The following DAB1 variants were observed in gnomAD, a reference collection of about 807,000 sequenced individuals.
DAB1 encodes DAB adaptor protein 1, also known as disabled homolog 1.
A neutral mutation model predicts 64.6 loss-of-function variants in DAB1; 15 were observed. That is an observed-to-expected ratio of 0.23 (90% confidence interval 0.16 to 0.36). The LOEUF (loss-of-function observed/expected upper bound fraction) is 0.36, where lower values mean the gene tolerates loss of function less well. Among genes scored for constraint, DAB1 ranks in the 10% least tolerant of loss-of-function variants. The probability of loss-of-function intolerance (pLI) is 1.00; values close to 1 mark genes in which losing one functional copy is unlikely to be tolerated. For synonymous variants in DAB1, 235 were observed against 251.9 expected, an observed-to-expected ratio of 0.93 and a Z score of 0.64; for missense variants, 596 against 706.7, an observed-to-expected ratio of 0.84 and a Z score of 1.78.
chr1:57,987,885 G>C (rs1455107371), intron 5 of DAB1, among the ~76,000 whole-genome samples: 1 of 151,900 alleles, frequency 6.6e-6, no homozygotes, highest in African/African-American at 2.4e-5. Flanking sequence ...GTTACTAATG[G>C]AGAAGAAGAA....
chr1:57,147,466 C>T (rs185736979), intron 2 of DAB1, among the ~76,000 whole-genome samples: 98 of 152,212 alleles, frequency 6.4e-4, no homozygotes, highest in African/African-American at 1.9e-3. Flanking sequence ...CCCCTGCTGA[C>T]TCCTCATATA....
At chr1:57,197,061 C>T (rs766976706) in intron 2 of DAB1, among the ~76,000 whole-genome samples, 17 of 152,286 alleles carry the variant, frequency 1.1e-4, no homozygotes, top group African/African-American at 2.6e-4. Flanking sequence ...CTTGGCCAGG[C>T]GCCGTGGCTA....
At chr1:58,284,887 G>T (rs889785111) in intron 4 of DAB1, among the ~76,000 whole-genome samples, 2 of 152,202 alleles carry the variant, frequency 1.3e-5, no homozygotes, top group Middle Eastern at 3.2e-3. Flanking sequence ...ACTGCTTGAG[G>T]TCTAGCCTAA....
At chr1:57,955,182 A>G (rs1453391330) in intron 5 of DAB1, among the ~76,000 whole-genome samples, 1 of 152,092 alleles carries the variant, frequency 6.6e-6, no homozygotes, top group African/African-American at 2.4e-5. Flanking sequence ...CTGGCACTCA[A>G]TGTTTTTGCT....
intron 1 of DAB1, among the ~76,000 whole-genome samples, chr1:57,329,873 G>A (rs1305811778): frequency 6.6e-6 from 1 of 152,192 alleles, no homozygotes; most frequent in African/African-American, 2.4e-5. Flanking sequence ...AATAATTGAT[G>A]ATGTTGTATT....
At chr1:58,219,074 T>G (rs1408998190) in intron 4 of DAB1, among the ~76,000 whole-genome samples, 1 of 151,180 alleles carries the variant, frequency 6.6e-6, no homozygotes, top group Non-Finnish European at 1.5e-5. Flanking sequence ...ACATTTTTTC[T>G]TAAAAGCATA....
chr1:58,080,757 A>T (rs1649947330), intron 5 of DAB1, among the ~76,000 whole-genome samples: 1 of 152,238 alleles, frequency 6.6e-6, no homozygotes, highest in Non-Finnish European at 1.5e-5. Flanking sequence ...TTATTGCATG[A>T]ATACAGGTAA....
At chr1:57,378,398 C>T (rs1185250118) in intron 1 of DAB1, among the ~76,000 whole-genome samples, 1 of 152,152 alleles carries the variant, frequency 6.6e-6, no homozygotes, top group African/African-American at 2.4e-5. Flanking sequence ...TTAGGGTTGA[C>T]GAGCTAGTTT....
chr1:58,364,440 G>T (rs1024357265), intron 3 of DAB1, among the ~76,000 whole-genome samples: 1 of 152,202 alleles, frequency 6.6e-6, no homozygotes. Context: ...ACAGAGAAAT[G>T]TGTTTTCATA....
intron 3 of DAB1, among the ~76,000 whole-genome samples, chr1:58,477,499 C>T (rs1307488209): frequency 6.6e-6 from 1 of 152,060 alleles, no homozygotes; most frequent in Non-Finnish European, 1.5e-5. Context: ...GACTCATACC[C>T]ATCATCAGCT....
intron 5 of DAB1, among the ~76,000 whole-genome samples, chr1:58,035,957 T>C (rs998517787): frequency 6.6e-6 from 1 of 152,172 alleles, no homozygotes; most frequent in Non-Finnish European, 1.5e-5. Flanking sequence ...ATCAGGAAGA[T>C]GCACATCCGT....
At chr1:57,446,552 C>T (rs560627809) in intron 7 of DAB1, among the ~76,000 whole-genome samples, 8 of 148,486 alleles carry the variant, frequency 5.4e-5, no homozygotes, top group Non-Finnish European at 7.4e-5. Flanking sequence ...GAGCCGAGAT[C>T]GCGCCATTGC....
intron 2 of DAB1, among the ~76,000 whole-genome samples, chr1:58,526,269 A>C (rs887508409): frequency 2.6e-5 from 4 of 152,090 alleles, no homozygotes; most frequent in Non-Finnish European, 5.9e-5. Flanking sequence ...TTTAACATTC[A>C]AAGAACTGAT....
At chr1:57,726,227 G>A (rs1419420657) in intron 6 of DAB1, among the ~76,000 whole-genome samples, 4 of 152,150 alleles carry the variant, frequency 2.6e-5, no homozygotes, top group Admixed American at 1.3e-4. Flanking sequence ...TGGAAGGGAT[G>A]CACAAAGCAG....
intron 3 of DAB1, among the ~76,000 whole-genome samples, chr1:58,396,712 A>G (rs546354265): frequency 6.6e-6 from 1 of 152,126 alleles, no homozygotes; most frequent in Non-Finnish European, 1.5e-5. Flanking sequence ...GAGCAACAGA[A>G]TGACAGTAGG....
At chr1:57,661,922 G>A (rs1225587060) in intron 6 of DAB1, among the ~76,000 whole-genome samples, 1 of 152,220 alleles carries the variant, frequency 6.6e-6, no homozygotes, top group East Asian at 1.9e-4. Flanking sequence ...ATAATGAAAG[G>A]AATGGTCCTA....
At chr1:57,564,798 C>T (rs1415504791) in intron 7 of DAB1, among the ~76,000 whole-genome samples, 2 of 152,206 alleles carry the variant, frequency 1.3e-5, no homozygotes, top group Non-Finnish European at 2.9e-5. Flanking sequence ...CTACGTCCAA[C>T]TGGTGTACCT....
chr1:57,026,089 G>T, intron 9 of DAB1, 46 bp from the exon 10 acceptor site: 2 of 1,453,838 alleles, frequency 1.4e-6, no homozygotes, highest in Non-Finnish European at 1.9e-6. Flanking sequence ...GAAAGCTGGT[G>T]CTGCTGGGCC....
intron 4 of DAB1, among the ~76,000 whole-genome samples, chr1:57,124,861 CAGGCTTG>C (rs1282482201): frequency 6.6e-6 from 1 of 152,150 alleles, no homozygotes; most frequent in Non-Finnish European, 1.5e-5. Flanking sequence ...GACAGACTGT[CAGGCTTG>C]AGGCTTGAGT....
Sources: gnomAD v4.1 joint callset for allele counts (sites outside exome capture counted in the v4.1 genomes callset) on GRCh38, gnomAD v4.1.1 for gene constraint, MANE v1.5 for transcripts, NCBI Gene and HGNC (gene_info 2026-07-23, HGNC 2026-07-21) for gene names.